Variants in LRBA observed in about 807,000 individuals in gnomAD.
LRBA encodes LPS responsive beige-like anchor protein.
LRBA carries 176 observed loss-of-function variants against 330.0 expected under a neutral mutation model. That is an observed-to-expected ratio of 0.53 (90% CI 0.47 to 0.60). The LOEUF (loss-of-function observed/expected upper bound fraction) is 0.60, where lower values mean the gene tolerates loss of function less well. LRBA is among the 20% of genes least tolerant of loss of function. The pLI is 0.00. For missense variants in LRBA, 3,259 were observed against 3,444.8 expected (o/e 0.95, Z 1.35); for synonymous variants, 1,230 against 1,193.0 (o/e 1.03, Z -0.64).
At chr4:150,904,272 A>T (rs1731071274) in intron 13 of LRBA, among the ~76,000 whole-genome samples, 1 of 152,184 alleles carries the variant, frequency 6.6e-6, no homozygotes, top group African/African-American at 2.4e-5. Context: ...TTCTTAAAAA[A>T]TTTCCCACAT....
chr4:150,644,936 C>G (rs1310442767), intron 37 of LRBA, among the ~76,000 whole-genome samples: 3 of 151,748 alleles, frequency 2.0e-5, no homozygotes, highest in African/African-American at 7.2e-5. Flanking sequence ...CTGTATTACT[C>G]AGGTACCCTG....
chr4:150,513,948 C>CT (rs1243153702), intron 40 of LRBA, among the ~76,000 whole-genome samples: 1 of 152,212 alleles, frequency 6.6e-6, no homozygotes, highest in African/African-American at 2.4e-5. Flanking sequence ...GATGCTTACT[C>CT]TGCTTGTGCT....
intron 56 of LRBA, among the ~76,000 whole-genome samples, chr4:150,275,388 T>A (rs1415681481): frequency 6.6e-6 from 1 of 152,106 alleles, no homozygotes; most frequent in African/African-American, 2.4e-5. Context: ...ATATACCCTC[T>A]CTCACCACTC....
At chr4:150,734,526 T>C (rs898401370) in intron 36 of LRBA, among the ~76,000 whole-genome samples, 1 of 152,200 alleles carries the variant, frequency 6.6e-6, no homozygotes, top group Non-Finnish European at 1.5e-5. Context: ...AGTTTATCTG[T>C]TCTTGATATG....
chr4:150,898,069 T>C (rs1730305082), intron 14 of LRBA, among the ~76,000 whole-genome samples: 1 of 152,020 alleles, frequency 6.6e-6, no homozygotes, highest in African/African-American at 2.4e-5. Context: ...TTTGAATAGG[T>C]CAAAGAATGT....
intron 2 of LRBA, among the ~76,000 whole-genome samples, chr4:150,979,560 C>T (rs1740604070): frequency 6.6e-6 from 1 of 152,136 alleles, no homozygotes; most frequent in Non-Finnish European, 1.5e-5. Flanking sequence ...TGAACACAGA[C>T]ACTACAATAA....
chr4:150,624,428 T>C (rs1460232044), intron 37 of LRBA, among the ~76,000 whole-genome samples: 1 of 152,044 alleles, frequency 6.6e-6, no homozygotes, highest in Non-Finnish European at 1.5e-5. Flanking sequence ...CCCTTTTCAC[T>C]CATACAAGGG....
intron 37 of LRBA, among the ~76,000 whole-genome samples, chr4:150,661,272 A>G (rs1781064197): frequency 4.6e-5 from 7 of 151,458 alleles, no homozygotes. Context: ...GGAGTTCATG[A>G]CCAGCCCGGG....
chr4:150,995,549 TGG>T (rs1469308955), intron 2 of LRBA, among the ~76,000 whole-genome samples: 31 of 152,170 alleles, frequency 2.0e-4, no homozygotes, highest in African/African-American at 7.0e-4. Context: ...GTAATGTTTC[TGG>T]ATAGAAACAT....
At chr4:150,789,578 A>G (rs1283373752) in intron 34 of LRBA, among the ~76,000 whole-genome samples, 1 of 152,194 alleles carries the variant, frequency 6.6e-6, no homozygotes. Context: ...GATCCTGAGA[A>G]GCTGGGATGC....
At chr4:150,329,899 C>T (rs915650986) in intron 48 of LRBA, among the ~76,000 whole-genome samples, 1 of 152,174 alleles carries the variant, frequency 6.6e-6, no homozygotes, top group Non-Finnish European at 1.5e-5. Context: ...ACATTCATCA[C>T]TCCTTTCTGA....
intron 34 of LRBA, among the ~76,000 whole-genome samples, chr4:150,786,988 T>C (rs1359793247): frequency 1.3e-5 from 2 of 152,276 alleles, no homozygotes; most frequent in East Asian, 3.9e-4. Flanking sequence ...TCCCAGCACT[T>C]TGGGAGGCAA....
intron 15 of LRBA, among the ~76,000 whole-genome samples, 194 bp downstream of exon 15, chr4:150,897,545 C>T (rs566308687): frequency 6.6e-6 from 1 of 152,006 alleles, no homozygotes; most frequent in South Asian, 2.1e-4. Flanking sequence ...ACTACCAATC[C>T]CTAATTCTGC....
intron 42 of LRBA, among the ~76,000 whole-genome samples, chr4:150,479,485 A>C (rs1757063817): frequency 6.6e-6 from 1 of 152,150 alleles, no homozygotes; most frequent in Non-Finnish European, 1.5e-5. Flanking sequence ...TTAAATTATA[A>C]AAATTATCTA....
chr4:150,335,263 C>T (rs1734508952), intron 48 of LRBA, among the ~76,000 whole-genome samples: 2 of 151,790 alleles, frequency 1.3e-5, no homozygotes, highest in South Asian at 4.2e-4. Flanking sequence ...TAATGGAATA[C>T]TATGCAGCCA....
chr4:150,604,788 C>T (rs760007123), intron 37 of LRBA, among the ~76,000 whole-genome samples: 9 of 152,106 alleles, frequency 5.9e-5, no homozygotes, highest in Non-Finnish European at 1.2e-4. Flanking sequence ...AGAATACTAC[C>T]TTTACCCACA....
chr4:150,661,207 A>G (rs1467938848), intron 37 of LRBA, among the ~76,000 whole-genome samples: 12 of 152,070 alleles, frequency 7.9e-5, no homozygotes, highest in Admixed American at 3.9e-4. Flanking sequence ...ATGGTGGCTC[A>G]CACCTGTAAT....
intron 40 of LRBA, among the ~76,000 whole-genome samples, chr4:150,526,823 AT>A (rs1561304721): frequency 6.6e-6 from 1 of 152,096 alleles, no homozygotes; most frequent in Non-Finnish European, 1.5e-5. Flanking sequence ...TGATGCCATT[AT>A]CATGTATAAC....
At chr4:150,805,397 G>C in intron 33 of LRBA, among the ~76,000 whole-genome samples, 1 of 127,816 alleles carries the variant, frequency 7.8e-6, no homozygotes, top group African/African-American at 3.0e-5. Context: ...GAAAGGAAAG[G>C]AAGGGAAAAG....
Sources: gnomAD v4.1 joint callset for allele counts (sites outside exome capture counted in the v4.1 genomes callset) on GRCh38, gnomAD v4.1.1 for gene constraint, MANE v1.5 for transcripts, NCBI Gene and HGNC (gene_info 2026-07-23, HGNC 2026-07-21) for gene names.